The following ASTN2 variants were observed in gnomAD, a reference collection of about 807,000 sequenced individuals.
ASTN2 encodes the protein astrotactin 2.
Under a neutral mutation model 139.8 loss-of-function variants are expected in ASTN2, and 54 were observed. That is an observed-to-expected ratio of 0.39 (90% CI 0.31 to 0.48). The LOEUF (loss-of-function observed/expected upper bound fraction) is 0.48, where lower values mean the gene tolerates loss of function less well. Ranked by LOEUF, ASTN2 falls within the 20% of genes least tolerant of loss-of-function variation. The pLI, the probability that ASTN2 is intolerant of heterozygous loss-of-function variation, is 0.95. For synonymous variants in ASTN2, 756 were observed against 719.5 expected, an observed-to-expected ratio of 1.05 and a Z score of -0.81; for missense variants, 1,565 against 1,725.1, an observed-to-expected ratio of 0.91 and a Z score of 1.64.
chr9:117,218,092 C>G (rs1385874772), intron 2 of ASTN2, among the ~76,000 whole-genome samples: 1 of 152,228 alleles, frequency 6.6e-6, no homozygotes, highest in Non-Finnish European at 1.5e-5. Context: ...TACTTAGCCC[C>G]TGCTCAGTCT....
At chr9:117,177,973 G>A (rs563470438) in intron 3 of ASTN2, among the ~76,000 whole-genome samples, 7 of 152,242 alleles carry the variant, frequency 4.6e-5, no homozygotes, top group South Asian at 2.1e-4. Context: ...CCAAGGCCCC[G>A]TGTGATCGGG....
chr9:116,798,618 C>T lies in ASTN2; in HGVS notation c.2396+7014G>A, dbSNP rs150295432. Reference sequence around the variant, plus strand: ...GCTGAGATAAGACAGCATGTCTTATCGTAAGATGCATCATAAGATAGCATG... The same window carrying T: ...GCTGAGATAAGACAGCATGTCTTATTGTAAGATGCATCATAAGATAGCATG... On this transcript the variant is annotated intron_variant, in intron 13 of 22. Coordinates refer to ENST00000313400, the MANE Select transcript of ASTN2 (RefSeq NM_001365068.1). Among the ~76,000 whole-genome samples the T allele has an allele frequency of 3.9e-4, 60 of 152,250 alleles. No individual in the cohort carries two copies. In the South Asian group the frequency reaches 7.3e-3, roughly 18 times the overall value.
At position 117,103,447 on chromosome 9, in the gene ASTN2, G is replaced by A. The variant is rs1406122548; in HGVS notation, c.1169-7296C>T. Among the ~76,000 whole-genome samples the A allele has an allele frequency of 2.0e-5, 3 of 152,098 alleles. No individual in the cohort carries two copies. The East Asian group carries it at 5.8e-4, about 29-fold the overall frequency. ...CCAGGTGTGCTCTGGGGCTAATCAG[G>A]GCATCTGAACAACATGAAAGTCATG... is the stretch of plus-strand genomic sequence containing the variant. On this transcript the variant is annotated intron_variant, in intron 4 of 22. Coordinates refer to ENST00000313400, the MANE Select transcript of ASTN2 (RefSeq NM_001365068.1).
chr9:117,156,044 T>C (rs533912404), intron 3 of ASTN2, among the ~76,000 whole-genome samples: 19 of 152,112 alleles, frequency 1.2e-4, no homozygotes, highest in Admixed American at 1.2e-3. Context: ...AAGATTGTAA[T>C]GGTATCATGA....
intron 12 of ASTN2, among the ~76,000 whole-genome samples, chr9:116,815,819 A>AAAAAAACAAC (rs1831310051): frequency 1.4e-5 from 2 of 148,142 alleles, no homozygotes; most frequent in African/African-American, 4.9e-5. Flanking sequence ...AAAAAAAAAA[A>AAAAAAACAAC]AAAAAAAAAG....
chr9:116,474,536 A>C (rs868583014), intron 20 of ASTN2, among the ~76,000 whole-genome samples: 24 of 152,154 alleles, frequency 1.6e-4, no homozygotes, highest in African/African-American at 5.6e-4. Flanking sequence ...CAGTCCACTA[A>C]CACCTTTCCA....
intron 19 of ASTN2, among the ~76,000 whole-genome samples, chr9:116,501,105 T>A (rs1296960996): frequency 6.6e-6 from 1 of 152,128 alleles, no homozygotes; most frequent in East Asian, 1.9e-4. Context: ...GGGAGACTAT[T>A]TGTCTTTCTT....
intron 5 of ASTN2, among the ~76,000 whole-genome samples, chr9:117,091,708 C>A (rs911588895): frequency 6.6e-6 from 1 of 151,826 alleles, no homozygotes; most frequent in Admixed American, 6.6e-5. Context: ...AGGGAAGGAG[C>A]GGACAGAGCC....
chr9:117,262,347 C>G (rs950649660), intron 2 of ASTN2, among the ~76,000 whole-genome samples: 12 of 152,088 alleles, frequency 7.9e-5, no homozygotes, highest in African/African-American at 2.7e-4. Context: ...CATCTCCTAC[C>G]TAATACTGAA....
chr9:116,958,907 A>G (rs1366582074), intron 10 of ASTN2, among the ~76,000 whole-genome samples: 1 of 152,200 alleles, frequency 6.6e-6, no homozygotes, highest in Non-Finnish European at 1.5e-5. Flanking sequence ...AACCAAGGAA[A>G]TGATATAACA....
intron 11 of ASTN2, among the ~76,000 whole-genome samples, chr9:116,840,292 G>A (rs1367728087): frequency 1.3e-5 from 2 of 150,662 alleles, no homozygotes; most frequent in Non-Finnish European, 2.9e-5. Flanking sequence ...ACACAGACAC[G>A]GCAACCATCC....
At chr9:117,160,391 A>G (rs1387159133) in intron 3 of ASTN2, among the ~76,000 whole-genome samples, 5 of 144,328 alleles carry the variant, frequency 3.5e-5, no homozygotes, top group Admixed American at 2.8e-4. Context: ...ATAAATCACA[A>G]TAACACAGGA....
At chr9:116,894,474 C>A (rs1033508476) in intron 10 of ASTN2, among the ~76,000 whole-genome samples, 1 of 151,972 alleles carries the variant, frequency 6.6e-6, no homozygotes, top group Non-Finnish European at 1.5e-5. Context: ...AAAATATTAC[C>A]ATTGTTCTAA....
intron 17 of ASTN2, among the ~76,000 whole-genome samples, chr9:116,638,887 G>C (rs185307342): frequency 1.4e-4 from 21 of 152,286 alleles, no homozygotes; most frequent in African/African-American, 4.6e-4. Context: ...GTTCATTTAG[G>C]AATCCTGGAT....
In ASTN2 at chr9:117,271,048, G is replaced by A. The variant is rs114088249; in HGVS notation, c.630+20278C>T. The stretch of plus-strand genomic sequence containing the variant: ...TGAGAAAATGTTATTTTAGCATAGC[G>A]GCTACTAGCACAGACCTGGGATTCC... On this transcript the variant is annotated intron_variant, in intron 2 of 22. Transcript: ENST00000313400. Among the ~76,000 whole-genome samples the A allele has an allele frequency of 1.7e-3, 253 of 152,156 alleles. 1 individual carries two copies. Among genetic ancestry groups the A allele is most frequent in the South Asian group, 6.5e-3 (31 of 4,798 alleles).
intron 5 of ASTN2, among the ~76,000 whole-genome samples, chr9:117,059,771 C>T (rs764950003): frequency 5.3e-5 from 8 of 152,134 alleles, no homozygotes; most frequent in Non-Finnish European, 1.2e-4. Flanking sequence ...TAGTCATTAT[C>T]ATTCAATTGT....
At chr9:116,828,418 A>C (rs151191802) in intron 11 of ASTN2, among the ~76,000 whole-genome samples, 20 of 152,344 alleles carry the variant, frequency 1.3e-4, no homozygotes, top group African/African-American at 4.6e-4. Flanking sequence ...CAACTATGCA[A>C]ATCAATAAAC....
chr9:116,561,480 G>C (rs894555939), intron 19 of ASTN2, among the ~76,000 whole-genome samples: 9 of 152,136 alleles, frequency 5.9e-5, no homozygotes, highest in Non-Finnish European at 1.0e-4. Flanking sequence ...TCAGGTGCCA[G>C]GTTGAGAAAA....
chr9:116,632,205 A>ACAG (rs1554723308), intron 17 of ASTN2, among the ~76,000 whole-genome samples: 1 of 45,302 alleles, frequency 2.2e-5, no homozygotes, highest in Non-Finnish European at 3.8e-5. Flanking sequence ...AGAAAGAAAG[A>ACAG]AAAGAAAGAA....
Sources: gnomAD v4.1 joint callset for allele counts (sites outside exome capture counted in the v4.1 genomes callset) on GRCh38, gnomAD v4.1.1 for gene constraint, MANE v1.5 for transcripts, NCBI Gene and HGNC (gene_info 2026-07-23, HGNC 2026-07-21) for gene names.